ATP11A: variants seen among roughly 807,000 people sequenced by gnomAD.
ATP11A encodes the protein ATPase phospholipid transporting 11A.
Under a neutral mutation model 154.4 loss-of-function variants are expected in ATP11A, and 81 were observed. That is an observed-to-expected ratio of 0.52 (90% CI 0.44 to 0.63). The LOEUF is 0.63. Among genes scored for constraint, ATP11A ranks in the 30% least tolerant of loss-of-function variants. The probability of loss-of-function intolerance (pLI) is 0.00; values close to 1 mark genes in which losing one functional copy is unlikely to be tolerated. For synonymous variants in ATP11A, 623 were observed against 585.9 expected, an observed-to-expected ratio of 1.06 and a Z score of -0.91; for missense variants, 1,316 against 1,474.3, an observed-to-expected ratio of 0.89 and a Z score of 1.76.
chr13:112,742,719 C>T (rs1038828990), intron 1 of ATP11A, among the ~76,000 whole-genome samples: 1 of 152,202 alleles, frequency 6.6e-6, no homozygotes, highest in South Asian at 2.1e-4. Flanking sequence ...GGCCGGCCTT[C>T]GCCCTGTGCC....
intron 1 of ATP11A, among the ~76,000 whole-genome samples, chr13:112,727,548 C>CA (rs36035585): frequency 0.025 from 3,641 of 143,146 alleles, 133 homozygotes; most frequent in East Asian, 0.13. Flanking sequence ...AGTCTCTTTC[C>CA]AAAAAAAAAA....
At chr13:112,873,739 A>G in intron 27 of ATP11A, 63 bp downstream of exon 27, 1 of 1,498,760 alleles carries the variant, frequency 6.7e-7, no homozygotes. Context: ...TTTTTTATCA[A>G]GGGTTGAAGA....
Position 112,881,099 on chromosome 13 carries a change from A to G in ATP11A, c.*10-777A>G, listed in dbSNP as rs1361398980. On this transcript the variant is annotated intron_variant, in intron 29 of 29. Coordinates refer to ENST00000375645, the MANE Select transcript of ATP11A (RefSeq NM_015205.3). ...GGAGCACATAGCTTGTCGCCTCTCC[A>G]ACAGACATGGAGGCCATGAAGACAT... The G allele has an allele frequency of 3.0e-6, 3 of 987,392 alleles. No individual in the cohort carries two copies. The African/African-American group carries it at 5.2e-5, about 17-fold the overall frequency. 61.2% of individuals were successfully genotyped at this position (987,392 alleles called of 1,614,324 possible). A position where few individuals can be genotyped will look rare whatever the true frequency, so the allele number is the denominator to read the frequency against.
intron 29 of ATP11A, 77 bp downstream of exon 29, chr13:112,878,380 G>A: frequency 6.7e-7 from 1 of 1,498,292 alleles, no homozygotes; most frequent in East Asian, 2.3e-5. Flanking sequence ...CCAGAGCCCT[G>A]AGTCCACGTG....
intron 1 of ATP11A, among the ~76,000 whole-genome samples, chr13:112,732,137 C>T (rs1251184146): frequency 2.0e-5 from 3 of 152,066 alleles, no homozygotes; most frequent in East Asian, 1.9e-4. Context: ...GCAATAACTG[C>T]GTCCCAAGCA....
At chr13:112,828,435 A>G (rs1156889307) in intron 12 of ATP11A, among the ~76,000 whole-genome samples, 2 of 149,424 alleles carry the variant, frequency 1.3e-5, no homozygotes, top group Non-Finnish European at 3.0e-5. Flanking sequence ...GTGGGGGGAA[A>G]GTGCCCAGCA....
intron 2 of ATP11A, among the ~76,000 whole-genome samples, chr13:112,803,769 CCTTCCTCTCCCTCCCCTCCCTGCCTTA>C (rs1244242837): frequency 3.0e-4 from 33 of 108,612 alleles, no homozygotes; most frequent in Middle Eastern, 5.6e-3. Context: ...CTCCTTCCCT[CCTTCCTCTCCCTCCCCTCCCTGCCTTA>C]CTTCCCCTCC....
chr13:112,706,455 G>A (rs11619826), intron 1 of ATP11A, among the ~76,000 whole-genome samples: 26,874 of 152,182 alleles, frequency 0.18, 2,861 homozygotes, highest in Middle Eastern at 0.26. Flanking sequence ...TTTCCTAAGT[G>A]TGTTTATAAG....
intron 6 of ATP11A, among the ~76,000 whole-genome samples, chr13:112,818,300 C>T (rs1454888382): frequency 1.3e-5 from 2 of 148,516 alleles, no homozygotes; most frequent in South Asian, 2.2e-4. Flanking sequence ...AGGCGATGAC[C>T]GTTGGTGCGC....
chr13:112,727,302 C>T (rs534334493), intron 1 of ATP11A, among the ~76,000 whole-genome samples: 47 of 152,358 alleles, frequency 3.1e-4, no homozygotes, highest in African/African-American at 1.0e-3. Context: ...CCGCCTTGGC[C>T]TCCCAAAGTG....
chr13:112,872,224 C>A (rs941456929), intron 26 of ATP11A, among the ~76,000 whole-genome samples: 2 of 152,036 alleles, frequency 1.3e-5, no homozygotes, highest in African/African-American at 2.4e-5. Context: ...ATTATGAAAT[C>A]TCAAAACCTA....
chr13:112,788,383 C>T (rs1027326364), intron 2 of ATP11A, among the ~76,000 whole-genome samples: 10 of 146,080 alleles, frequency 6.8e-5, no homozygotes, highest in African/African-American at 2.6e-4. Flanking sequence ...TCCTAATTCA[C>T]ACCGGTGTCC....
At chr13:112,695,925 C>A (rs1302592549) in intron 1 of ATP11A, among the ~76,000 whole-genome samples, 1 of 152,182 alleles carries the variant, frequency 6.6e-6, no homozygotes, top group Non-Finnish European at 1.5e-5. Context: ...AGTAGAAATT[C>A]AAGAAGATCA....
chr13:112,697,340 AC>A lies in ATP11A; in HGVS notation c.39+6888del, dbSNP rs1885987637. Among the ~76,000 whole-genome samples, 1 of 151,942 alleles carries A rather than the reference AC, an allele frequency of 6.6e-6. No individual in the cohort carries two copies. The highest frequency in any genetic ancestry group is 6.5e-5 in the Admixed American group (1 of 15,270). On this transcript the variant is annotated intron_variant, in intron 1 of 29. Coordinates refer to ENST00000375645, the MANE Select transcript of ATP11A (RefSeq NM_015205.3). The surrounding 1 kb of genome is among the most constrained non-coding windows in gnomAD (Gnocchi z 4.0). ...GTGTTCATTTCCGTGTTCCAGTGTCACCCGTGTGCCTAGAACGTTCCTGGCA... is the reference window on the plus strand; with the variant it reads ...GTGTTCATTTCCGTGTTCCAGTGTCACCGTGTGCCTAGAACGTTCCTGGCA...
chr13:112,866,294 G>A (rs1050959872), intron 25 of ATP11A, among the ~76,000 whole-genome samples: 1 of 152,252 alleles, frequency 6.6e-6, no homozygotes, highest in Non-Finnish European at 1.5e-5. Context: ...GCTGTTAGCC[G>A]CTGCTGCCCC....
chr13:112,788,435 G>A (rs2077723839), intron 2 of ATP11A, among the ~76,000 whole-genome samples: 1 of 150,304 alleles, frequency 6.7e-6, no homozygotes, highest in Non-Finnish European at 1.5e-5. Context: ...ATTCACACCG[G>A]TGTCCTCATG....
intron 1 of ATP11A, among the ~76,000 whole-genome samples, chr13:112,727,943 A>G (rs1890052199): frequency 6.6e-6 from 1 of 152,212 alleles, no homozygotes; most frequent in Admixed American, 6.5e-5. Context: ...AGAGTGAATG[A>G]GAGATCGATA....
chr13:112,820,686 A>G (rs2078775630), intron 8 of ATP11A, among the ~76,000 whole-genome samples: 1 of 152,232 alleles, frequency 6.6e-6, no homozygotes, highest in Non-Finnish European at 1.5e-5. Context: ...TTTGTTGCTG[A>G]CGAGATATTT....
At chr13:112,783,621 T>C (rs979657983) in intron 1 of ATP11A, among the ~76,000 whole-genome samples, 3 of 152,222 alleles carry the variant, frequency 2.0e-5, no homozygotes, top group Non-Finnish European at 2.9e-5. Context: ...CCTCTTCAGC[T>C]GTGTTTCTCA....
Sources: allele counts gnomAD v4.1 joint callset (sites outside exome capture counted in the v4.1 genomes callset), GRCh38; gene constraint gnomAD v4.1.1; non-coding constraint Gnocchi (gnomAD v3.1); transcripts MANE v1.5; gene names NCBI Gene and HGNC (gene_info 2026-07-23, HGNC 2026-07-21).